The following USP36 variants were observed in gnomAD, a reference collection of about 807,000 sequenced individuals.
The protein encoded by USP36 is ubiquitin carboxyl-terminal hydrolase 36.
A neutral mutation model predicts 111.5 loss-of-function variants in USP36; 59 were observed. The observed-to-expected ratio is 0.53, with a 90% CI of 0.43 to 0.66. The LOEUF (loss-of-function observed/expected upper bound fraction) is 0.66. USP36 is among the 30% of genes least tolerant of loss of function. The probability of loss-of-function intolerance (pLI) is 0.00; values close to 1 mark genes in which losing one functional copy is unlikely to be tolerated. For synonymous variants in USP36, 628 were observed against 581.0 expected, an observed-to-expected ratio of 1.08 and a Z score of -1.16; for missense variants, 1,488 against 1,468.0, an observed-to-expected ratio of 1.01 and a Z score of -0.22.
intron 16 of USP36, 59 bp from the exon 17 acceptor site, chr17:78,802,594 GCA>G: frequency 1.3e-6 from 2 of 1,496,502 alleles, no homozygotes; most frequent in Non-Finnish European, 9.0e-7. Flanking sequence ...GAGCAGGAGC[GCA>G]CAGACACCCG....
At chr17:78,807,893 G>A (rs2093951488) in intron 13 of USP36, among the ~76,000 whole-genome samples, 1 of 152,162 alleles carries the variant, frequency 6.6e-6, no homozygotes, top group Non-Finnish European at 1.5e-5. Flanking sequence ...TGACAGAGAT[G>A]GGGTTTCACC....
chr17:78,816,928 T>C (rs936791132), intron 10 of USP36, among the ~76,000 whole-genome samples: 1 of 152,228 alleles, frequency 6.6e-6, no homozygotes, highest in Admixed American at 6.5e-5. Context: ...CCATCTCAAA[T>C]ATTCACTGTT....
exon 4 of USP36, chr17:78,787,460 G>A (rs2093545440): frequency 1.3e-5 from 2 of 152,304 alleles, no homozygotes; most frequent in South Asian, 4.1e-4. Flanking sequence ...AGTCAGAACG[G>A]TGGTATATAA....
downstream of USP36, among the ~76,000 whole-genome samples, chr17:78,792,856 T>C (rs756297851): frequency 6.6e-6 from 1 of 152,122 alleles, no homozygotes; most frequent in Non-Finnish European, 1.5e-5. Flanking sequence ...GTAGTTGGGA[T>C]TACAGGCACA....
At chr17:78,790,724 G>C (rs1018553353), downstream of USP36, among the ~76,000 whole-genome samples, 2 of 152,106 alleles carry the variant, frequency 1.3e-5, no homozygotes, top group Non-Finnish European at 2.9e-5. Context: ...AAAAATCACT[G>C]GTTTATGTAA....
intron 13 of USP36, among the ~76,000 whole-genome samples, chr17:78,811,602 G>A (rs886808308): frequency 2.6e-5 from 4 of 152,118 alleles, no homozygotes; most frequent in African/African-American, 9.7e-5. Context: ...GGGCACAGTG[G>A]CTCACGTCTG....
chr17:78,814,716 G>A (rs998733452), intron 10 of USP36, among the ~76,000 whole-genome samples, 164 bp from the exon 11 acceptor site: 20 of 152,142 alleles, frequency 1.3e-4, no homozygotes, highest in African/African-American at 4.6e-4. Flanking sequence ...ACTTTGGGAG[G>A]CTGAGGCAGG....
chr17:78,795,113 C>A (rs1351513792), downstream of USP36, among the ~76,000 whole-genome samples: 1 of 152,146 alleles, frequency 6.6e-6, no homozygotes, highest in East Asian at 1.9e-4. The surrounding 1 kb of genome is among the most constrained non-coding windows in gnomAD (Gnocchi z 4.5). Context: ...AGAACCCCCT[C>A]AACCGCTGCC....
intron 4 of USP36, among the ~76,000 whole-genome samples, chr17:78,831,631 G>C (rs1210155809): frequency 6.6e-6 from 1 of 151,916 alleles, no homozygotes; most frequent in African/African-American, 2.4e-5. Context: ...TAGAAATTAA[G>C]CCTCTAATCA....
Position 78,814,492 on chromosome 17 carries a change from G to C in USP36, c.1084C>G (p.Pro362Ala). 6.2e-7 allele frequency: 1 copy of C among 1,614,188 alleles called. No individual in the cohort carries two copies. The highest frequency in any genetic ancestry group is 2.2e-5 in the East Asian group (1 of 44,888). ...ACAGCATAGAGTCCATACATGACAG[G>C]ATCACCATTATTCTGGGACATATAC... is the stretch of plus-strand genomic sequence containing the variant. Reference protein sequence around the residue: ...RPYMSQNNGDPVMYGLYAVLV... With the variant: ...RPYMSQNNGDAVMYGLYAVLV... The change falls in exon 11 of 21, where the codon CCT (proline) becomes GCT (alanine). Residue 362 changes from proline to alanine, a missense_variant. Pro to Ala is a conservative substitution (Grantham distance 27). Coordinates refer to ENST00000449938, the MANE Select transcript of USP36 (RefSeq NM_001385174.1).
At chr17:78,805,908 C>T (rs973595503) in intron 15 of USP36, among the ~76,000 whole-genome samples, 3 of 152,174 alleles carry the variant, frequency 2.0e-5, no homozygotes, top group African/African-American at 7.2e-5. Context: ...GACAGACCAC[C>T]AACAAAGACA....
At chr17:78,836,822 C>A (rs926494793) in intron 2 of USP36, among the ~76,000 whole-genome samples, 1 of 145,994 alleles carries the variant, frequency 6.8e-6, no homozygotes, top group African/African-American at 2.7e-5. Context: ...CACACACAAA[C>A]GGACACACAC....
chr17:78,821,346 C>T (rs917577073), intron 7 of USP36: 11 of 267,530 alleles, frequency 4.1e-5, no homozygotes, highest in African/African-American at 1.9e-4. Context: ...GAGGGAAGAG[C>T]TGCCTCCTCC....
chr17:78,836,823 G>A (rs931336618), intron 2 of USP36, among the ~76,000 whole-genome samples: 7 of 117,524 alleles, frequency 6.0e-5, no homozygotes, highest in Admixed American at 1.7e-4. Context: ...ACACACAAAC[G>A]GACACACACA....
intron 6 of USP36, among the ~76,000 whole-genome samples, chr17:78,823,684 CA>C (rs1296782735): frequency 6.6e-6 from 1 of 152,036 alleles, no homozygotes; most frequent in Non-Finnish European, 1.5e-5. Context: ...CATGGGCTCT[CA>C]GGGGGAGAAG....
At position 78,829,019 on chromosome 17, in the gene USP36, G is replaced by A; in HGVS notation, c.476-12C>T. 1.9e-6 allele frequency: 3 copies of A among 1,610,384 alleles called. No homozygotes were observed. Among genetic ancestry groups the A allele is most frequent in the Non-Finnish European group, 2.5e-6 (3 of 1,178,168 alleles). On this transcript the variant is annotated splice_polypyrimidine_tract_variant and intron_variant, in intron 4 of 20. Transcript: ENST00000449938. ...GCTTCCCTGGTGGCCTGCCGGCGTGGAAGGAGGAGCAATTTTAAGACAAGA... is the reference window on the plus strand; with the variant it reads ...GCTTCCCTGGTGGCCTGCCGGCGTGAAAGGAGGAGCAATTTTAAGACAAGA...
chr17:78,837,038 T>C (rs1440578072), intron 2 of USP36, among the ~76,000 whole-genome samples: 1 of 152,202 alleles, frequency 6.6e-6, no homozygotes, highest in Non-Finnish European at 1.5e-5. Context: ...AAGAAGAGAA[T>C]GTAAAACATC....
intron 2 of USP36, 56 bp from the exon 3 acceptor site, chr17:78,836,428 CATCTCTTAAG>C (rs971721650): frequency 4.8e-5 from 76 of 1,580,246 alleles, no homozygotes; most frequent in Non-Finnish European, 5.7e-5. Context: ...GGGACAAAAA[CATCTCTTAAG>C]ATCTCCTCTT....
At chr17:78,818,959 T>C in intron 9 of USP36, 181 bp from the exon 10 acceptor site, 1 of 570,566 alleles carries the variant, frequency 1.8e-6, no homozygotes, top group Non-Finnish European at 3.1e-6. Context: ...AAAGGAAAGC[T>C]ACCACAGGGA....
Sources: gnomAD v4.1 joint callset for allele counts (sites outside exome capture counted in the v4.1 genomes callset) on GRCh38, gnomAD v4.1.1 for gene constraint, Gnocchi (gnomAD v3.1) non-coding constraint, MANE v1.5 for transcripts, NCBI Gene and HGNC (gene_info 2026-07-23, HGNC 2026-07-21) for gene names.